Variants in SORBS2 observed in about 807,000 individuals in gnomAD.
SORBS2 encodes the protein sorbin and SH3 domain-containing protein 2.
In SORBS2, 46 loss-of-function variants were observed where a neutral mutation model predicts 97.7. The ratio of observed to expected loss-of-function variants is 0.47; its 90% CI spans 0.37 to 0.60. The LOEUF (loss-of-function observed/expected upper bound fraction) is 0.60. Ranked by LOEUF, SORBS2 falls within the 20% of genes least tolerant of loss-of-function variation. The pLI is 0.00. For missense variants in SORBS2, 1,316 were observed against 1,282.3 expected, an observed-to-expected ratio of 1.03 and a Z score of -0.40; for synonymous variants, 476 against 473.4, an observed-to-expected ratio of 1.01 and a Z score of -0.07.
At chr4:185,703,489 A>G (rs1205247446) in intron 2 of SORBS2, among the ~76,000 whole-genome samples, 1 of 152,224 alleles carries the variant, frequency 6.6e-6, no homozygotes, top group Non-Finnish European at 1.5e-5. Flanking sequence ...TGAAGGAAAA[A>G]AAACTAAAAG....
intron 1 of SORBS2, among the ~76,000 whole-genome samples, chr4:185,851,466 T>C (rs1010209629): frequency 6.6e-6 from 1 of 152,222 alleles, no homozygotes; most frequent in Non-Finnish European, 1.5e-5. Flanking sequence ...GGGTTGCACT[T>C]ACAAGCTGTC....
intron 1 of SORBS2, among the ~76,000 whole-genome samples, chr4:185,878,283 G>C (rs62335019): frequency 0.41 from 61,569 of 151,540 alleles, 12,761 homozygotes; most frequent in East Asian, 0.56. Flanking sequence ...GAAAAAGTAA[G>C]CATTAACATG....
chr4:185,841,625 G>A (rs1456644192), intron 1 of SORBS2, among the ~76,000 whole-genome samples: 2 of 152,172 alleles, frequency 1.3e-5, no homozygotes, highest in East Asian at 1.9e-4. Flanking sequence ...CATGGGTTTT[G>A]GCAGATGGCA....
intron 1 of SORBS2, among the ~76,000 whole-genome samples, chr4:185,789,486 T>C (rs569012381): frequency 6.6e-6 from 1 of 151,066 alleles, no homozygotes; most frequent in East Asian, 1.9e-4. Context: ...ATAATTAATA[T>C]ATAATTGTGT....
At chr4:185,632,255 G>A (rs1342420612) in intron 4 of SORBS2, among the ~76,000 whole-genome samples, 1 of 152,116 alleles carries the variant, frequency 6.6e-6, no homozygotes, top group Non-Finnish European at 1.5e-5. Context: ...AAATGAAAAT[G>A]GAATCTTGTC....
intron 1 of SORBS2, among the ~76,000 whole-genome samples, chr4:185,860,040 G>A (rs531752644): frequency 6.6e-6 from 1 of 152,274 alleles, no homozygotes; most frequent in South Asian, 2.1e-4. Context: ...TTGCTTAAAG[G>A]TGGTCCATAC....
chr4:185,588,944 C>A (rs1489595163), intron 14 of SORBS2, among the ~76,000 whole-genome samples: 1 of 151,366 alleles, frequency 6.6e-6, no homozygotes, highest in Non-Finnish European at 1.5e-5. Context: ...GAAATAAAAT[C>A]AGAGGCTTGT....
intron 7 of SORBS2, among the ~76,000 whole-genome samples, chr4:185,622,528 T>A (rs1198330276): frequency 6.6e-6 from 1 of 152,228 alleles, no homozygotes; most frequent in Non-Finnish European, 1.5e-5. Flanking sequence ...ATATAAAGTT[T>A]TAACGTTAAT....
chr4:185,789,468 TTATAAG>T (rs1244161223), intron 1 of SORBS2, among the ~76,000 whole-genome samples: 1 of 151,286 alleles, frequency 6.6e-6, no homozygotes, highest in African/African-American at 2.4e-5. Flanking sequence ...TAAATCATAT[TTATAAG>T]TATAATTAAT....
intron 1 of SORBS2, among the ~76,000 whole-genome samples, chr4:185,900,076 C>T (rs1243413272): frequency 2.6e-5 from 4 of 152,082 alleles, no homozygotes; most frequent in African/African-American, 7.2e-5. Flanking sequence ...ATGATCACAC[C>T]TGTGAATAGC....
intron 12 of SORBS2, among the ~76,000 whole-genome samples, chr4:185,605,632 T>G (rs955953864): frequency 6.7e-6 from 1 of 149,218 alleles, no homozygotes; most frequent in Non-Finnish European, 1.5e-5. Context: ...TCACCCAGGC[T>G]GGAGTGCACT....
chr4:185,935,396 C>A (rs1252690097), intron 1 of SORBS2, among the ~76,000 whole-genome samples: 2 of 152,208 alleles, frequency 1.3e-5, no homozygotes, highest in Non-Finnish European at 2.9e-5. Context: ...GTTTAAGAGA[C>A]TCCTTGACTT....
chr4:185,751,172 T>TAAAAAAAAAAAAAAATA (rs2098796642), intron 2 of SORBS2, among the ~76,000 whole-genome samples: 1 of 31,706 alleles, frequency 3.2e-5, no homozygotes, highest in Non-Finnish European at 6.5e-5. Context: ...CTCTAAATAC[T>TAAAAAAAAAAAAAAATA]AAAAAAAAAA....
At chr4:185,586,830 T>C (rs1230142729) in exon 15 of SORBS2, 1 of 152,674 alleles carries the variant, frequency 6.5e-6, no homozygotes, top group Non-Finnish European at 1.5e-5. Context: ...TACATTTTAA[T>C]ATAAAATAGC....
At chr4:185,651,324 G>A (rs915373366) in intron 2 of SORBS2, among the ~76,000 whole-genome samples, 4 of 152,200 alleles carry the variant, frequency 2.6e-5, no homozygotes, top group Admixed American at 6.5e-5. Context: ...CCCGCCAAGG[G>A]GGATTTTTAA....
At chr4:185,942,288 A>G (rs1016980708) in intron 1 of SORBS2, among the ~76,000 whole-genome samples, 2 of 152,122 alleles carry the variant, frequency 1.3e-5, no homozygotes, top group Non-Finnish European at 2.9e-5. Context: ...TTAGGAAAGC[A>G]CTTTTTGCAG....
chr4:185,802,489 C>T (rs531994160), intron 1 of SORBS2, among the ~76,000 whole-genome samples: 15 of 152,214 alleles, frequency 9.9e-5, no homozygotes, highest in African/African-American at 3.1e-4. Context: ...AGGTCTTTCT[C>T]GCTCTCCACG....
chr4:185,850,563 C>A (rs1579185202), intron 1 of SORBS2, among the ~76,000 whole-genome samples: 1 of 152,188 alleles, frequency 6.6e-6, no homozygotes. Context: ...TTTGTGAGTG[C>A]TATTAAAAAC....
chr4:185,691,521 G>A (rs4376189), intron 2 of SORBS2, among the ~76,000 whole-genome samples: 140,295 of 152,250 alleles, frequency 0.92, 64,639 homozygotes, highest in African/African-American at 0.95. Context: ...GTGCAGGTCA[G>A]TTGACTACCG....
Sources: gnomAD v4.1 joint callset for allele counts (sites outside exome capture counted in the v4.1 genomes callset) on GRCh38, gnomAD v4.1.1 for gene constraint, MANE v1.5 for transcripts, NCBI Gene and HGNC (gene_info 2026-07-23, HGNC 2026-07-21) for gene names.